Variants in BTBD7 observed in about 807,000 individuals in gnomAD.
The protein encoded by BTBD7 is BTB domain containing 7.
Under a neutral mutation model 99.9 loss-of-function variants are expected in BTBD7, and 38 were observed. That is an observed-to-expected ratio of 0.38 (90% CI 0.29 to 0.50). BTBD7 has a LOEUF of 0.50. Ranked by LOEUF, BTBD7 falls within the 20% of genes least tolerant of loss-of-function variation. BTBD7 has a pLI of 0.93. For synonymous variants in BTBD7, 520 were observed against 511.4 expected, an observed-to-expected ratio of 1.02 and a Z score of -0.23; for missense variants, 1,170 against 1,394.6, an observed-to-expected ratio of 0.84 and a Z score of 2.57.
At chr14:93,330,454 A>C (rs11160115) in intron 1 of BTBD7, among the ~76,000 whole-genome samples, 58,581 of 151,896 alleles carry the variant, frequency 0.39, 12,517 homozygotes, top group African/African-American at 0.58. Flanking sequence ...AAGTTTCCCA[A>C]GTTCTTTGGA....
At chr14:93,320,862 G>A (rs2053261685) in intron 1 of BTBD7, among the ~76,000 whole-genome samples, 1 of 152,028 alleles carries the variant, frequency 6.6e-6, no homozygotes, top group African/African-American at 2.4e-5. Flanking sequence ...TAAATGATCA[G>A]AGTCCATCTA....
intron 3 of BTBD7, among the ~76,000 whole-genome samples, chr14:93,273,120 T>C (rs2052617984): frequency 6.6e-6 from 1 of 152,032 alleles, no homozygotes; most frequent in African/African-American, 2.4e-5. Context: ...GCAAAAGGTC[T>C]CCCCCTCCCA....
chr14:93,321,755 TG>T (rs2053272898), intron 1 of BTBD7, among the ~76,000 whole-genome samples: 1 of 152,186 alleles, frequency 6.6e-6, no homozygotes, highest in Non-Finnish European at 1.5e-5. Flanking sequence ...TGTATGATCT[TG>T]GGCAATTTTT....
rs529134898 is a variant in BTBD7 at position 93,313,668 on chromosome 14, T to TA, written c.-106-17512dup. On this transcript the variant is annotated intron_variant, in intron 1 of 10. Transcript: ENST00000334746. ...AAGTATCTGAATTTTTGACTTATCC[T>TA]AAAATGAAACTACACACACACACAC... is the stretch of plus-strand genomic sequence containing the variant. 6.1e-4 allele frequency among the ~76,000 whole-genome samples: 89 copies of TA among 144,722 alleles called. 1 individual carries two copies. Among genetic ancestry groups the TA allele is most frequent in the Middle Eastern group, 3.6e-3 (1 of 280 alleles). 94.9% of individuals were successfully genotyped at this position (144,722 alleles called of 152,430 possible). A position where few individuals can be genotyped will look rare whatever the true frequency, so the allele number is the denominator to read the frequency against.
In BTBD7 at chr14:93,274,904, T is replaced by TA. The variant is rs1342496896; in HGVS notation, c.1163-10912dup. On this transcript the variant is annotated intron_variant, in intron 3 of 10. Transcript: ENST00000334746. ...CAGGTTACCTTTCTAGACTTTCATT[T>TA]AAAAAAATTATTGAGCTTTGTGCAG... 2.0e-5 allele frequency among the ~76,000 whole-genome samples: 3 copies of TA among 152,162 alleles called. No individual in the cohort carries two copies. In the East Asian group the frequency reaches 5.8e-4, roughly 29 times the overall value.
chr14:93,281,317 T>G (rs1162207284), intron 3 of BTBD7, among the ~76,000 whole-genome samples: 1 of 152,078 alleles, frequency 6.6e-6, no homozygotes, highest in Non-Finnish European at 1.5e-5. Flanking sequence ...TATTTTTTTT[T>G]GTAGAGGCAG....
chr14:93,296,240 T>C (rs2052925385), intron 1 of BTBD7, 83 bp from the exon 2 acceptor site: 2 of 1,030,652 alleles, frequency 1.9e-6, no homozygotes, highest in South Asian at 6.4e-5. Flanking sequence ...TACTGAAAAC[T>C]GCTTTCATTC....
At chr14:93,313,563 T>G (rs1449427618) in intron 1 of BTBD7, among the ~76,000 whole-genome samples, 3 of 152,130 alleles carry the variant, frequency 2.0e-5, no homozygotes, top group Non-Finnish European at 4.4e-5. Context: ...AATCGAATAA[T>G]TTTTCAAACT....
At chr14:93,274,917 G>A (rs755894249) in intron 3 of BTBD7, among the ~76,000 whole-genome samples, 28 of 152,126 alleles carry the variant, frequency 1.8e-4, no homozygotes, top group Non-Finnish European at 3.5e-4. Flanking sequence ...AAAAATTATT[G>A]AGCTTTGTGC....
intron 3 of BTBD7, among the ~76,000 whole-genome samples, chr14:93,285,188 G>C (rs2052763358): frequency 2.0e-5 from 3 of 152,180 alleles, no homozygotes. Flanking sequence ...TATGTAGACA[G>C]TGGAGGTTGG....
chr14:93,272,498 CCT>C (rs1257133425), intron 3 of BTBD7, among the ~76,000 whole-genome samples: 2 of 152,162 alleles, frequency 1.3e-5, no homozygotes, highest in African/African-American at 4.8e-5. Context: ...CTTCAATTAG[CCT>C]CTCTTCCATT....
At chr14:93,324,465 A>AACTGTCTGAAACATTAAGAAAAT (rs2053306104) in intron 1 of BTBD7, among the ~76,000 whole-genome samples, 2 of 151,992 alleles carry the variant, frequency 1.3e-5, no homozygotes, top group Admixed American at 1.3e-4. Context: ...AACTCCAAAG[A>AACTGTCTGAAACATTAAGAAAAT]ACTGTCTGAA....
At chr14:93,323,757 T>C (rs1420683515) in intron 1 of BTBD7, among the ~76,000 whole-genome samples, 2 of 152,222 alleles carry the variant, frequency 1.3e-5, no homozygotes, top group Admixed American at 1.3e-4. Flanking sequence ...CTGATCTCAC[T>C]GGTTTTTCCA....
chr14:93,332,385 C>A (rs1189227951), intron 1 of BTBD7: 1 of 152,898 alleles, frequency 6.5e-6, no homozygotes, highest in Admixed American at 6.5e-5. Flanking sequence ...CTCACGCCCA[C>A]CCCTGGCGGT....
At chr14:93,300,771 TGTA>T (rs2052992457) in intron 1 of BTBD7, among the ~76,000 whole-genome samples, 1 of 71,750 alleles carries the variant, frequency 1.4e-5, no homozygotes. Flanking sequence ...TGTGTGTGTG[TGTA>T]TATATATATA....
At chr14:93,288,934 C>G (rs1201588594) in intron 3 of BTBD7, among the ~76,000 whole-genome samples, 2 of 152,142 alleles carry the variant, frequency 1.3e-5, no homozygotes, top group African/African-American at 4.8e-5. Context: ...AGATTTCAAC[C>G]CTGTGCCACA....
At chr14:93,300,702 ATTTGTGTGTG>A (rs1328371541) in intron 1 of BTBD7, among the ~76,000 whole-genome samples, 29 of 107,558 alleles carry the variant, frequency 2.7e-4, no homozygotes, top group African/African-American at 4.0e-4. Flanking sequence ...TGCCCAGCTA[ATTTGTGTGTG>A]TGTGTGTGTG....
chr14:93,260,538 T>C (rs1214920593), intron 5 of BTBD7, among the ~76,000 whole-genome samples: 1 of 152,110 alleles, frequency 6.6e-6, no homozygotes, highest in Non-Finnish European at 1.5e-5. Flanking sequence ...TTATTTCTCT[T>C]TTACCTTCCA....
At chr14:93,265,674 C>A (rs1252400594) in intron 3 of BTBD7, among the ~76,000 whole-genome samples, 1 of 152,260 alleles carries the variant, frequency 6.6e-6, no homozygotes, top group African/African-American at 2.4e-5. Context: ...GTAATCCCAG[C>A]ACTTTGGGAG....
Sources: gnomAD v4.1 joint callset for allele counts (sites outside exome capture counted in the v4.1 genomes callset) on GRCh38, gnomAD v4.1.1 for gene constraint, MANE v1.5 for transcripts, NCBI Gene and HGNC (gene_info 2026-07-23, HGNC 2026-07-21) for gene names.